Variants in TPH2 observed in about 807,000 individuals in gnomAD.
TPH2 encodes tryptophan hydroxylase 2, also known as tryptophan 5-hydroxylase 2.
In TPH2, 27 loss-of-function variants were observed where a neutral mutation model predicts 59.1. The observed-to-expected ratio is 0.46, with a 90% CI of 0.34 to 0.63. TPH2 has a LOEUF of 0.63. TPH2 is among the 30% of genes least tolerant of loss of function. The pLI is 0.01. For synonymous variants in TPH2, 220 were observed against 210.5 expected, an observed-to-expected ratio of 1.05 and a Z score of -0.39; for missense variants, 523 against 588.3, an observed-to-expected ratio of 0.89 and a Z score of 1.15.
intron 7 of TPH2, among the ~76,000 whole-genome samples, chr12:71,989,613 T>C (rs539230439): frequency 6.6e-6 from 1 of 152,322 alleles, no homozygotes; most frequent in Admixed American, 6.5e-5. Context: ...GAAGCAAATG[T>C]TGGATGCTCA....
intron 7 of TPH2, among the ~76,000 whole-genome samples, chr12:71,983,238 G>A (rs1222683541): frequency 6.6e-6 from 1 of 152,158 alleles, no homozygotes; most frequent in Non-Finnish European, 1.5e-5. Context: ...TCTGCTAGAA[G>A]AGGAAATGGA....
At chr12:72,016,138 T>C (rs1446548110) in intron 8 of TPH2, among the ~76,000 whole-genome samples, 1 of 152,154 alleles carries the variant, frequency 6.6e-6, no homozygotes, top group Non-Finnish European at 1.5e-5. Flanking sequence ...TTCCCATCTA[T>C]AAAATGGAAA....
At chr12:71,987,595 T>C (rs140607316) in intron 7 of TPH2, among the ~76,000 whole-genome samples, 1 of 152,194 alleles carries the variant, frequency 6.6e-6, no homozygotes, top group African/African-American at 2.4e-5. Flanking sequence ...ACGCCTGTAA[T>C]CCTAGCACTT....
At chr12:71,981,521 A>G (rs768154207) in intron 7 of TPH2, among the ~76,000 whole-genome samples, 2 of 152,142 alleles carry the variant, frequency 1.3e-5, no homozygotes, top group Non-Finnish European at 2.9e-5. Flanking sequence ...ATGAGGTCAG[A>G]GGTATAGTAC....
intron 5 of TPH2, chr12:71,964,947 C>G (rs1871776432): frequency 6.2e-6 from 1 of 161,818 alleles, no homozygotes; most frequent in South Asian, 2.0e-4. Context: ...CACCCTCCAC[C>G]CTCCAGGAGA....
At position 72,031,652 on chromosome 12, in the gene TPH2, T is replaced by C. The variant is rs773902443; in HGVS notation, c.1430T>C (p.Val477Ala). The C allele has an allele frequency of 1.9e-6, 3 of 1,613,528 alleles. No homozygotes were observed. The East Asian group carries it at 6.7e-5, about 36-fold the overall frequency. ...VQDLRSDLNT[V>A]CDALNKMNQY... Reference sequence around the variant, plus strand: ...GACCTTCGCAGCGACTTGAATACAGTGTGTGATGCTTTAAACAAAATGAAC... The same window carrying C: ...GACCTTCGCAGCGACTTGAATACAGCGTGTGATGCTTTAAACAAAATGAAC... Residue 477 changes from valine (V) to alanine (A), a missense_variant, in exon 11 of 11, where the codon GTG becomes GCG. By Grantham distance (64) the Val-to-Ala change is moderately conservative. Transcript: ENST00000333850.
chr12:71,950,088 G>T (rs1168426791), intron 5 of TPH2, among the ~76,000 whole-genome samples: 4 of 152,204 alleles, frequency 2.6e-5, no homozygotes, highest in African/African-American at 9.7e-5. Context: ...ACATGTGTTT[G>T]TTTTACATGG....
rs1871147817 is a variant in TPH2 at position 71,944,349 on chromosome 12, C to G, written c.311C>G (p.Ser104Cys). 6.2e-7 allele frequency: 1 copy of G among 1,613,848 alleles called. No individual in the cohort carries two copies. Among genetic ancestry groups the G allele is most frequent in the Non-Finnish European group, 8.5e-7 (1 of 1,179,850 alleles). ...IESRKSRRRS[S>C]EVEIFVDCEC... ...TCCAGGAAATCTCGGCGAAGAAGTT[C>G]TGAGGTTGAAATCTTTGTGGACTGT... is the stretch of plus-strand genomic sequence containing the variant. The change falls in exon 3 of 11, where the codon TCT (serine) becomes TGT (cysteine). Residue 104 changes from serine to cysteine, a missense_variant. Coordinates refer to ENST00000333850, the MANE Select transcript of TPH2 (RefSeq NM_173353.4).
chr12:71,972,814 A>G, intron 6 of TPH2, 99 bp downstream of exon 6: 2 of 1,299,262 alleles, frequency 1.5e-6, no homozygotes, highest in Non-Finnish European at 2.2e-6. Flanking sequence ...AAAAGGAAAA[A>G]CAGTGATTTA....
chr12:72,015,413 G>A (rs986305417), intron 8 of TPH2, among the ~76,000 whole-genome samples: 14 of 145,352 alleles, frequency 9.6e-5, no homozygotes, highest in African/African-American at 3.1e-4. Context: ...TCTGCCTTCC[G>A]GGTTCACGCC....
intron 7 of TPH2, among the ~76,000 whole-genome samples, chr12:71,986,816 A>G (rs997500475): frequency 6.6e-6 from 1 of 151,944 alleles, no homozygotes; most frequent in African/African-American, 2.4e-5. Context: ...TTCATTATGT[A>G]TTTTCAGGTG....
At chr12:72,031,159 A>G (rs960123350) in intron 9 of TPH2, 99 bp from the exon 10 acceptor site, 5 of 1,496,934 alleles carry the variant, frequency 3.3e-6, no homozygotes, top group Non-Finnish European at 4.6e-6. Flanking sequence ...GCAGCTCTGT[A>G]GGATTACCGA....
At chr12:71,957,456 C>A (rs1871542293) in intron 5 of TPH2, among the ~76,000 whole-genome samples, 1 of 151,290 alleles carries the variant, frequency 6.6e-6, no homozygotes, top group African/African-American at 2.4e-5. Context: ...CCCACCTCAG[C>A]CTCTTGAGTT....
rs1485380210 is a variant in TPH2 at position 71,944,341 on chromosome 12, A to G, written c.303A>G (p.Arg101=). ...MVHIESRKSR[R]RSSEVEIFVD... Reference sequence around the variant, plus strand: ...ATATTGAATCCAGGAAATCTCGGCGAAGAAGTTCTGAGGTTGAAATCTTTG... The same window carrying G: ...ATATTGAATCCAGGAAATCTCGGCGGAGAAGTTCTGAGGTTGAAATCTTTG... Residue 101 remains arginine, a synonymous_variant, in exon 3 of 11, where the codon CGA becomes CGG. Transcript: ENST00000333850. 1 of 1,613,884 alleles carries G rather than the reference A, an allele frequency of 6.2e-7. No individual in the cohort carries two copies. The highest frequency in any genetic ancestry group is 8.5e-7 in the Non-Finnish European group (1 of 1,179,838).
chr12:72,002,217 A>G (rs1872840556), intron 8 of TPH2, among the ~76,000 whole-genome samples: 1 of 152,172 alleles, frequency 6.6e-6, no homozygotes, highest in Non-Finnish European at 1.5e-5. Context: ...AGAAAAAGAT[A>G]AATGCCATGC....
intron 8 of TPH2, among the ~76,000 whole-genome samples, chr12:72,007,169 A>G (rs1450144299): frequency 6.6e-6 from 1 of 152,172 alleles, no homozygotes; most frequent in Non-Finnish European, 1.5e-5. Context: ...AACCATAAAT[A>G]ATAGAGGTAA....
chr12:71,966,498 G>A (rs764386556), intron 5 of TPH2, among the ~76,000 whole-genome samples: 2 of 152,128 alleles, frequency 1.3e-5, no homozygotes, highest in African/African-American at 2.4e-5. Flanking sequence ...AAACACCAAA[G>A]GTGGGGAAGG....
At chr12:71,962,499 C>A in intron 5 of TPH2, 1 of 984,988 alleles carries the variant, frequency 1.0e-6, no homozygotes, top group East Asian at 1.1e-4. Flanking sequence ...AAAAAAGAAA[C>A]CCTTATATGT....
In TPH2 at chr12:71,979,032, T is replaced by G; in HGVS notation, c.886T>G (p.Phe296Val). The G allele has an allele frequency of 1.2e-6, 2 of 1,614,130 alleles. No individual in the cohort carries two copies. The highest frequency in any genetic ancestry group is 2.2e-5 in the East Asian group (1 of 44,882). Residue 296 changes from phenylalanine to valine, a missense_variant, in exon 7 of 11, where the codon TTC (phenylalanine) becomes GTC (valine). Transcript: ENST00000333850. ...DFLAGLAYRVFHCTQYIRHGS... is the reference protein window; with the variant it reads ...DFLAGLAYRVVHCTQYIRHGS... ...TCTGGCAGGACTGGCCTACAGAGTG[T>G]TCCACTGTACCCAGTACATCCGGCA...
Sources: gnomAD v4.1 joint callset for allele counts (sites outside exome capture counted in the v4.1 genomes callset) on GRCh38, gnomAD v4.1.1 for gene constraint, MANE v1.5 for transcripts, NCBI Gene and HGNC (gene_info 2026-07-23, HGNC 2026-07-21) for gene names.